Variants in VOPP1 observed in about 807,000 individuals in gnomAD.
VOPP1 encodes the protein VOPP1 WW domain binding protein, also known as WW domain binding protein VOPP1.
In VOPP1, 8 loss-of-function variants were observed where a neutral mutation model predicts 23.5. That is an observed-to-expected ratio of 0.34 (90% CI 0.20 to 0.61). The LOEUF (loss-of-function observed/expected upper bound fraction) is 0.61, where lower values mean the gene tolerates loss of function less well. VOPP1 is among the 20% of genes least tolerant of loss of function. VOPP1 has a pLI of 0.78. For synonymous variants in VOPP1, 83 were observed against 97.3 expected, an observed-to-expected ratio of 0.85 and a Z score of 0.86; for missense variants, 174 against 238.1, an observed-to-expected ratio of 0.73 and a Z score of 1.77.
intron 2 of VOPP1, among the ~76,000 whole-genome samples, chr7:55,502,393 T>C (rs1490378250): frequency 6.6e-6 from 1 of 152,232 alleles, no homozygotes; most frequent in Non-Finnish European, 1.5e-5. Flanking sequence ...ATCTCTTTCT[T>C]CTCTCAAAAC....
downstream of VOPP1, among the ~76,000 whole-genome samples, chr7:55,465,643 T>G (rs112945700): frequency 0.012 from 1,827 of 152,332 alleles, 13 homozygotes; most frequent in Admixed American, 0.021. Flanking sequence ...TATTTGCTGA[T>G]TATCCACTAT....
chr7:55,529,021 C>A (rs937599791), intron 1 of VOPP1, among the ~76,000 whole-genome samples: 2 of 152,158 alleles, frequency 1.3e-5, no homozygotes, highest in East Asian at 3.8e-4. Context: ...TTTAAAATAT[C>A]TCCCTACTGA....
In VOPP1 at chr7:55,537,710, AC is replaced by A. The variant is rs1386340517; in HGVS notation, c.55-16581del. The A allele has an allele frequency of 4.2e-6, 6 of 1,427,280 alleles. No homozygotes were observed. The East Asian group carries it at 1.3e-4, about 30-fold the overall frequency. The allele number at this position is 1,427,280 out of a possible 1,614,324, so 88.4% of individuals were successfully genotyped here. ...GAGAACATCTACCATGGAGGACGCT[AC>A]AAGGATTCAAGAAGCCAGCGCTTGT... is the stretch of plus-strand genomic sequence containing the variant. On this transcript the variant is annotated intron_variant, in intron 1 of 4. Coordinates refer to ENST00000285279, the MANE Select transcript of VOPP1 (RefSeq NM_030796.5).
chr7:55,503,657 G>A (rs889418828), intron 2 of VOPP1, among the ~76,000 whole-genome samples: 14 of 152,170 alleles, frequency 9.2e-5, no homozygotes, highest in African/African-American at 3.1e-4. Context: ...AAGGTGATCC[G>A]GTTACCAAGG....
chr7:55,494,899 C>T (rs918358067), intron 3 of VOPP1, among the ~76,000 whole-genome samples: 10 of 152,220 alleles, frequency 6.6e-5, no homozygotes, highest in Admixed American at 2.0e-4. Context: ...GCTGGGGGTA[C>T]GGGCTGGCTG....
At chr7:55,566,431 G>A (rs942340801) in intron 1 of VOPP1, among the ~76,000 whole-genome samples, 1 of 152,090 alleles carries the variant, frequency 6.6e-6, no homozygotes, top group South Asian at 2.1e-4. Flanking sequence ...CTGTGGTAGC[G>A]TGTACCTGTA....
intron 2 of VOPP1, among the ~76,000 whole-genome samples, chr7:55,511,902 A>T (rs1422786171): frequency 2.0e-5 from 3 of 152,190 alleles, no homozygotes; most frequent in Non-Finnish European, 4.4e-5. Flanking sequence ...ACCTTAGTAA[A>T]ATAAACTTTC....
intron 2 of VOPP1, among the ~76,000 whole-genome samples, chr7:55,501,970 T>C (rs892711017): frequency 6.6e-6 from 1 of 152,218 alleles, no homozygotes; most frequent in Non-Finnish European, 1.5e-5. Flanking sequence ...GTATTAATAC[T>C]TGGGTCCCTC....
intron 1 of VOPP1, chr7:55,561,733 A>G: frequency 4.4e-6 from 2 of 457,172 alleles, no homozygotes; most frequent in Admixed American, 3.9e-5. Context: ...GAATTCACAG[A>G]CTGCTCCCCT....
At chr7:55,556,670 A>G (rs1344543169) in intron 1 of VOPP1, among the ~76,000 whole-genome samples, 1 of 151,154 alleles carries the variant, frequency 6.6e-6, no homozygotes, top group Non-Finnish European at 1.5e-5. Context: ...TTTGAGAGAA[A>G]TGTGACTGTG....
chr7:55,545,290 C>G (rs1215600329), intron 1 of VOPP1, among the ~76,000 whole-genome samples: 3 of 152,110 alleles, frequency 2.0e-5, no homozygotes, highest in Non-Finnish European at 4.4e-5. Context: ...CAGGTGAGAC[C>G]ACGCTAGGAG....
intron 1 of VOPP1, among the ~76,000 whole-genome samples, chr7:55,553,528 T>A (rs945506605): frequency 3.3e-5 from 5 of 152,146 alleles, no homozygotes; most frequent in African/African-American, 9.7e-5. Flanking sequence ...CTGGTTTTCA[T>A]TTAAATATAT....
chr7:55,521,401 C>A (rs1232476585), intron 1 of VOPP1, among the ~76,000 whole-genome samples: 1 of 152,098 alleles, frequency 6.6e-6, no homozygotes, highest in Non-Finnish European at 1.5e-5. Flanking sequence ...AAATTAAAGA[C>A]AATCCACTGT....
chr7:55,531,402 T>C (rs1006240160), intron 1 of VOPP1, among the ~76,000 whole-genome samples: 2 of 147,890 alleles, frequency 1.4e-5, no homozygotes. Flanking sequence ...CATGCTGGAG[T>C]GCAGTGGTGC....
chr7:55,521,496 T>A, intron 1 of VOPP1: 1 of 1,027,040 alleles, frequency 9.7e-7, no homozygotes, highest in Non-Finnish European at 1.2e-6. Context: ...CCCCCCAATT[T>A]CTGTTTTAGA....
At chr7:55,549,154 C>T (rs1359134977) in intron 1 of VOPP1, among the ~76,000 whole-genome samples, 2 of 152,180 alleles carry the variant, frequency 1.3e-5, no homozygotes, top group African/African-American at 2.4e-5. Context: ...ACTCCAAATG[C>T]GCCTAAATTA....
intron 4 of VOPP1, among the ~76,000 whole-genome samples, chr7:55,484,768 G>A (rs942641485): frequency 6.6e-6 from 1 of 152,180 alleles, no homozygotes; most frequent in African/African-American, 2.4e-5. Flanking sequence ...ACAAGTATGC[G>A]TTCATACTCC....
At chr7:55,543,380 A>G (rs537095063) in intron 1 of VOPP1, among the ~76,000 whole-genome samples, 1 of 152,326 alleles carries the variant, frequency 6.6e-6, no homozygotes, top group Non-Finnish European at 1.5e-5. Context: ...CAATATGCTC[A>G]TGTTCTTCCT....
chr7:55,561,280 C>T (rs1019738414), intron 1 of VOPP1, among the ~76,000 whole-genome samples: 3 of 152,102 alleles, frequency 2.0e-5, no homozygotes, highest in Non-Finnish European at 4.4e-5. Flanking sequence ...TGATGACCTC[C>T]TTCCTCATCT....
Sources: gnomAD v4.1 joint callset for allele counts (sites outside exome capture counted in the v4.1 genomes callset) on GRCh38, gnomAD v4.1.1 for gene constraint, MANE v1.5 for transcripts, NCBI Gene and HGNC (gene_info 2026-07-23, HGNC 2026-07-21) for gene names.